The following AK9 variants were observed in gnomAD, a reference collection of about 807,000 sequenced individuals.
AK9 encodes adenylate kinase domain containing 1.
A neutral mutation model predicts 239.6 loss-of-function variants in AK9; 191 were observed. The observed-to-expected ratio is 0.80, with a 90% CI of 0.71 to 0.90. The LOEUF (loss-of-function observed/expected upper bound fraction) is 0.90, where lower values mean the gene tolerates loss of function less well. Among genes scored for constraint, AK9 ranks in the 40% least tolerant of loss-of-function variants. AK9 has a pLI of 0.00. For missense variants in AK9, 1,995 were observed against 2,214.7 expected, an observed-to-expected ratio of 0.90 and a Z score of 1.99; for synonymous variants, 689 against 721.0, an observed-to-expected ratio of 0.96 and a Z score of 0.71.
chr6:109,570,672 A>G (rs981850152), intron 21 of AK9, among the ~76,000 whole-genome samples: 3 of 152,166 alleles, frequency 2.0e-5, no homozygotes, highest in Admixed American at 6.5e-5. Context: ...CCAGAGAAAA[A>G]GTACAAAGAG....
intron 17 of AK9, among the ~76,000 whole-genome samples, chr6:109,601,391 G>C (rs892964180): frequency 6.6e-6 from 1 of 152,186 alleles, no homozygotes; most frequent in Non-Finnish European, 1.5e-5. Flanking sequence ...GCAGTTTTGA[G>C]TGAGTTTCTT....
chr6:109,675,762 A>G lies in AK9; in HGVS notation c.-11-6T>C. On this transcript the variant is annotated splice_region_variant and splice_polypyrimidine_tract_variant and intron_variant, in intron 1 of 40. Coordinates refer to ENST00000424296, the MANE Select transcript of AK9 (RefSeq NM_001145128.3). ...AGAAGTCATGACACAAAATACTACA[A>G]TAAAAAAGGGTAAGATTGTTAACTT... is the stretch of plus-strand genomic sequence containing the variant. 8 of 1,469,298 alleles carry G rather than the reference A, an allele frequency of 5.4e-6. No individual in the cohort carries two copies. Among genetic ancestry groups the G allele is most frequent in the Non-Finnish European group, 7.5e-6 (8 of 1,071,608 alleles). The allele number at this position is 1,469,298 out of a possible 1,614,324, so 91.0% of individuals were successfully genotyped here.
chr6:109,517,085 A>G (rs897721816), intron 29 of AK9, among the ~76,000 whole-genome samples: 4 of 152,074 alleles, frequency 2.6e-5, no homozygotes, highest in South Asian at 2.1e-4. Context: ...AGTGTGCTCA[A>G]TGTGGAGCGG....
At chr6:109,523,606 T>G (rs188173611) in intron 29 of AK9, among the ~76,000 whole-genome samples, 1 of 152,126 alleles carries the variant, frequency 6.6e-6, no homozygotes, top group Non-Finnish European at 1.5e-5. Flanking sequence ...AGTTTCAGAG[T>G]AGTGGTGGTT....
intron 8 of AK9, 134 bp downstream of exon 8, chr6:109,656,622 A>T (rs1309464516): frequency 9.8e-7 from 1 of 1,021,520 alleles, no homozygotes; most frequent in Non-Finnish European, 1.4e-6. Context: ...CCTTTTTCTG[A>T]CAGCTTTCTA....
At position 109,533,349 on chromosome 6, in the gene AK9, CA is replaced by C; in HGVS notation, c.3471del (p.Phe1157LeufsTer14). ...TCAATTTGGGCAGGAAGGAGGCGAT[CA>C]AAAATATCTTGATCATCAACTTGTA... is the stretch of plus-strand genomic sequence containing the variant. ...VFIQVDDQDI[F>X]DRLLPAQIEK... On this transcript the variant is annotated frameshift_variant, in exon 28 of 41. Transcript: ENST00000424296. LOFTEE classifies it high-confidence loss of function. The C allele has an allele frequency of 6.2e-7, 1 of 1,611,410 alleles. No homozygotes were observed. The highest frequency in any genetic ancestry group is 8.5e-7 in the Non-Finnish European group (1 of 1,178,964).
chr6:109,585,385 T>C lies in AK9; in HGVS notation c.2000-148A>G, dbSNP rs75065486. 106 of 271,562 alleles carry C rather than the reference T, an allele frequency of 3.9e-4. 1 individual carries two copies. The East Asian group carries it at 0.016, about 40-fold the overall frequency. 16.8% of individuals were successfully genotyped at this position (271,562 alleles called of 1,614,324 possible). A position where few individuals can be genotyped will look rare whatever the true frequency, so the allele number is the denominator to read the frequency against. On this transcript the variant is annotated intron_variant, in intron 18 of 40. Transcript: ENST00000424296. The stretch of plus-strand genomic sequence containing the variant: ...GTATCTAAATAGAGCCCAGATTCTT[T>C]AAAATATTAATAGACCATCTTAAAT...
chr6:109,669,413 T>C (rs1312123172), intron 5 of AK9, among the ~76,000 whole-genome samples: 1 of 152,030 alleles, frequency 6.6e-6, no homozygotes, highest in Non-Finnish European at 1.5e-5. Context: ...TGGCCAGAAC[T>C]TCCAACACTA....
chr6:109,557,162 G>T (rs1209512862), intron 24 of AK9, among the ~76,000 whole-genome samples: 1 of 152,032 alleles, frequency 6.6e-6, no homozygotes, highest in Non-Finnish European at 1.5e-5. Flanking sequence ...CTTGGATGGG[G>T]TTTTTGTGGG....
intron 32 of AK9, among the ~76,000 whole-genome samples, chr6:109,509,988 C>T (rs932208723): frequency 6.6e-6 from 1 of 152,160 alleles, no homozygotes; most frequent in Non-Finnish European, 1.5e-5. Context: ...CCTGGCCCTA[C>T]TCCCATCTCT....
At chr6:109,583,353 T>C (rs1163902637) in intron 19 of AK9, among the ~76,000 whole-genome samples, 1 of 152,176 alleles carries the variant, frequency 6.6e-6, no homozygotes, top group African/African-American at 2.4e-5. Flanking sequence ...TATCTTGCCA[T>C]TTGACTAGCA....
At chr6:109,623,862 GACACACAC>G (rs567410173) in intron 12 of AK9, among the ~76,000 whole-genome samples, 266 of 136,186 alleles carry the variant, frequency 2.0e-3, no homozygotes, top group Non-Finnish European at 2.8e-3. Flanking sequence ...AGGAATCTTA[GACACACAC>G]ACACACACAC....
At chr6:109,579,332 G>A (rs1259037057) in intron 20 of AK9, 1 of 457,680 alleles carries the variant, frequency 2.2e-6, no homozygotes, top group Non-Finnish European at 3.9e-6. Context: ...ATTTTCCTAT[G>A]AATCCATTAC....
rs748810210 is a variant in AK9, at chr6:109,638,373, C to T, written c.933+3145G>A. Reference sequence around the variant, plus strand: ...CAGCACATATCCCAGTTATGTTGACCCACTGAGATCTTGTTATGATACAGG... The same window carrying T: ...CAGCACATATCCCAGTTATGTTGACTCACTGAGATCTTGTTATGATACAGG... On this transcript the variant is annotated intron_variant, in intron 10 of 40. Transcript: ENST00000424296. Among the ~76,000 whole-genome samples the T allele has an allele frequency of 5.8e-4, 88 of 152,220 alleles. 1 individual carries two copies. Among genetic ancestry groups the T allele is most frequent in the Non-Finnish European group, 1.0e-3 (68 of 68,010 alleles).
At chr6:109,614,516 A>C (rs760480514) in intron 13 of AK9, 36 bp from the exon 14 acceptor site, 4 of 1,518,898 alleles carry the variant, frequency 2.6e-6, no homozygotes, top group African/African-American at 1.4e-5. Flanking sequence ...AGCAAAACGT[A>C]GTTGGGGATA....
rs1248909509 is a variant in AK9, at chr6:109,514,252, C to A, written c.4251G>T (p.Val1417=). The A allele has an allele frequency of 2.6e-6, 4 of 1,551,370 alleles. No individual in the cohort carries two copies. The Admixed American group carries it at 7.9e-5, about 30-fold the overall frequency. The part of the protein sequence containing the change: ...KPTVPIRIII[V]GPPKSGKTTV... ...TAGTTTTCCCAGATTTTGGAGGCCCCACAATTATAATCCTAATGGGCACAG... is the reference window on the plus strand; with the variant it reads ...TAGTTTTCCCAGATTTTGGAGGCCCAACAATTATAATCCTAATGGGCACAG... The change falls in exon 32 of 41, where the codon GTG becomes GTT. Residue 1417 remains valine (V), a synonymous_variant. Transcript: ENST00000424296.
At chr6:109,535,881 G>C (rs1029014657) in intron 27 of AK9, among the ~76,000 whole-genome samples, 19 of 152,212 alleles carry the variant, frequency 1.2e-4, no homozygotes, top group Admixed American at 1.2e-3. Context: ...CCCATTTCTT[G>C]TTTTTGTCAG....
intron 33 of AK9, among the ~76,000 whole-genome samples, chr6:109,508,917 TC>T (rs761974073): frequency 3.3e-5 from 5 of 152,150 alleles, no homozygotes; most frequent in Non-Finnish European, 7.4e-5. Context: ...TTTGTTGAAG[TC>T]TGAAGGCTTT....
chr6:109,655,956 A>ACT (rs1799645686), intron 8 of AK9, among the ~76,000 whole-genome samples: 1 of 152,198 alleles, frequency 6.6e-6, no homozygotes, highest in South Asian at 2.1e-4. Flanking sequence ...TGAGAATGAA[A>ACT]ATGATCCACT....
Sources: allele counts gnomAD v4.1 joint callset (sites outside exome capture counted in the v4.1 genomes callset), GRCh38; gene constraint gnomAD v4.1.1; transcripts MANE v1.5; gene names NCBI Gene and HGNC (gene_info 2026-07-23, HGNC 2026-07-21).